Variants in DLG2 observed in about 807,000 individuals in gnomAD.
DLG2 encodes the protein disks large homolog 2.
In DLG2, 45 loss-of-function variants were observed where a neutral mutation model predicts 132.5. The observed-to-expected ratio is 0.34, with a 90% confidence interval of 0.27 to 0.44. The LOEUF is 0.44. DLG2 is among the 20% of genes least tolerant of loss of function. The probability of loss-of-function intolerance (pLI) is 1.00; values close to 1 mark genes in which losing one functional copy is unlikely to be tolerated. For missense variants in DLG2, 1,045 were observed against 1,196.9 expected, an observed-to-expected ratio of 0.87 and a Z score of 1.87; for synonymous variants, 424 against 419.6, an observed-to-expected ratio of 1.01 and a Z score of -0.13.
chr11:84,388,597 C>T (rs572932711), intron 7 of DLG2, among the ~76,000 whole-genome samples: 1 of 151,622 alleles, frequency 6.6e-6, no homozygotes, highest in African/African-American at 2.4e-5. Context: ...TATTTCAGTA[C>T]CCTGTGTTTC....
At chr11:83,945,967 T>TTCC (rs1216138892) in intron 14 of DLG2, among the ~76,000 whole-genome samples, 73 of 150,294 alleles carry the variant, frequency 4.9e-4, no homozygotes, top group East Asian at 3.8e-3. Flanking sequence ...CCTTCCTTCC[T>TTCC]TTTCTCTTTC....
chr11:85,534,307 A>G (rs1347858993), intron 3 of DLG2, among the ~76,000 whole-genome samples: 39 of 152,294 alleles, frequency 2.6e-4, no homozygotes, highest in Non-Finnish European at 2.9e-5. Context: ...TATTAACTAA[A>G]AAAAGGTCTT....
chr11:85,040,438 A>G (rs2061764146), intron 6 of DLG2, among the ~76,000 whole-genome samples: 1 of 152,016 alleles, frequency 6.6e-6, no homozygotes, highest in Non-Finnish European at 1.5e-5. Flanking sequence ...TACTCATGGC[A>G]TGATGATAAT....
chr11:85,519,591 CT>C (rs1427086511), intron 3 of DLG2, among the ~76,000 whole-genome samples: 1 of 152,278 alleles, frequency 6.6e-6, no homozygotes, highest in African/African-American at 2.4e-5. Flanking sequence ...TCAGATGAGA[CT>C]TTGGACTGTG....
At chr11:84,987,680 AT>A (rs2056647756) in intron 6 of DLG2, among the ~76,000 whole-genome samples, 1 of 152,202 alleles carries the variant, frequency 6.6e-6, no homozygotes, top group Non-Finnish European at 1.5e-5. Flanking sequence ...AAGACACCCT[AT>A]TCAACAAACA....
At chr11:84,802,021 G>GT (rs1389028035) in intron 6 of DLG2, among the ~76,000 whole-genome samples, 2 of 151,366 alleles carry the variant, frequency 1.3e-5, no homozygotes, top group Admixed American at 1.3e-4. Context: ...CTCATTTTAG[G>GT]TAAGTCATTA....
chr11:83,650,801 C>G (rs550468083), intron 18 of DLG2, among the ~76,000 whole-genome samples: 1 of 152,260 alleles, frequency 6.6e-6, no homozygotes, highest in Admixed American at 6.5e-5. Context: ...CATAGTGCCT[C>G]AGATCCCCTT....
intron 7 of DLG2, among the ~76,000 whole-genome samples, chr11:84,447,386 G>A (rs1291768986): frequency 3.3e-5 from 5 of 152,106 alleles, no homozygotes; most frequent in African/African-American, 7.2e-5. Flanking sequence ...TAGACAGACA[G>A]TACATGCTCA....
intron 8 of DLG2, among the ~76,000 whole-genome samples, chr11:84,217,273 T>C (rs1597645188): frequency 6.6e-6 from 1 of 152,308 alleles, no homozygotes; most frequent in East Asian, 1.9e-4. Flanking sequence ...CTTCCACAAT[T>C]CTCATGTGTT....
chr11:83,481,391 G>C (rs1308787666), intron 22 of DLG2, among the ~76,000 whole-genome samples: 1 of 144,588 alleles, frequency 6.9e-6, no homozygotes, highest in Non-Finnish European at 1.5e-5. Flanking sequence ...TGAAGAACAT[G>C]TGACTATTTG....
chr11:85,026,141 A>C (rs1415022463), intron 6 of DLG2, among the ~76,000 whole-genome samples: 1 of 152,168 alleles, frequency 6.6e-6, no homozygotes, highest in Non-Finnish European at 1.5e-5. Context: ...GAAAGTTAAA[A>C]TTTTCAAACA....
At chr11:85,357,258 G>C (rs1168197424) in intron 3 of DLG2, among the ~76,000 whole-genome samples, 1 of 148,836 alleles carries the variant, frequency 6.7e-6, no homozygotes, top group African/African-American at 2.5e-5. Flanking sequence ...GTGTGTGTGT[G>C]TGTGTGTGTG....
intron 7 of DLG2, among the ~76,000 whole-genome samples, chr11:84,503,349 G>A (rs1467864086): frequency 6.6e-6 from 1 of 152,166 alleles, no homozygotes; most frequent in Non-Finnish European, 1.5e-5. Context: ...CATAATAAAT[G>A]TCCCTAGATT....
At chr11:83,890,408 C>CT (rs1444939154) in intron 15 of DLG2, among the ~76,000 whole-genome samples, 6 of 152,046 alleles carry the variant, frequency 3.9e-5, no homozygotes, top group Admixed American at 1.3e-4. Context: ...CTCAGTGGCC[C>CT]TAGATAAGTC....
chr11:84,571,111 T>A (rs1565333050), intron 6 of DLG2, among the ~76,000 whole-genome samples: 1 of 152,092 alleles, frequency 6.6e-6, no homozygotes, highest in African/African-American at 2.4e-5. Flanking sequence ...AGGGAGTAAA[T>A]AAAAAGAAAG....
chr11:83,719,009 T>C (rs1231026396), intron 18 of DLG2, among the ~76,000 whole-genome samples: 7 of 152,168 alleles, frequency 4.6e-5, no homozygotes, highest in African/African-American at 7.2e-5. Flanking sequence ...GGAAACGTTT[T>C]TTAAATGCAG....
At chr11:85,478,970 A>G (rs1472232326) in intron 3 of DLG2, among the ~76,000 whole-genome samples, 1 of 152,240 alleles carries the variant, frequency 6.6e-6, no homozygotes, top group African/African-American at 2.4e-5. Flanking sequence ...TTTGAGCAGA[A>G]AAACTTTGTA....
At chr11:83,627,821 C>T (rs546009630) in intron 19 of DLG2, among the ~76,000 whole-genome samples, 2 of 152,274 alleles carry the variant, frequency 1.3e-5, no homozygotes, top group Middle Eastern at 3.4e-3. Flanking sequence ...CTAGTTTACA[C>T]TCCCACCAAC....
chr11:85,367,898 A>G (rs977489206), intron 3 of DLG2, among the ~76,000 whole-genome samples: 1 of 152,120 alleles, frequency 6.6e-6, no homozygotes, highest in African/African-American at 2.4e-5. Flanking sequence ...GAACTTTTTA[A>G]TGTACTCTTG....
Sources: gnomAD v4.1 joint callset for allele counts (sites outside exome capture counted in the v4.1 genomes callset) on GRCh38, gnomAD v4.1.1 for gene constraint, MANE v1.5 for transcripts, NCBI Gene and HGNC (gene_info 2026-07-23, HGNC 2026-07-21) for gene names.